CSMD1: variants seen among roughly 807,000 people sequenced by gnomAD.
CSMD1 encodes CUB and sushi domain-containing protein 1.
In CSMD1, 213 loss-of-function variants were observed where a neutral mutation model predicts 417.5. The observed-to-expected ratio is 0.51, with a 90% CI of 0.46 to 0.57. The LOEUF is 0.57. CSMD1 is among the 20% of genes least tolerant of loss of function. The pLI is 0.00. For synonymous variants in CSMD1, 2,862 were observed against 1,736.8 expected (o/e 1.65, Z -16.11); for missense variants, 6,923 against 4,529.7 (o/e 1.53, Z -15.17).
At chr8:3,842,357 T>A (rs1041866559) in intron 5 of CSMD1, among the ~76,000 whole-genome samples, 14 of 152,162 alleles carry the variant, frequency 9.2e-5, no homozygotes. Flanking sequence ...CCCATATCAA[T>A]ACCACTAATA....
intron 51 of CSMD1, among the ~76,000 whole-genome samples, chr8:3,028,581 T>C (rs1415336794): frequency 6.6e-5 from 10 of 152,172 alleles, no homozygotes; most frequent in African/African-American, 2.2e-4. Flanking sequence ...GGTGAAGAGC[T>C]TGTGGTACGT....
chr8:3,338,450 T>C (rs923647403), intron 23 of CSMD1, among the ~76,000 whole-genome samples: 1 of 152,164 alleles, frequency 6.6e-6, no homozygotes. Flanking sequence ...GAATTCAGGA[T>C]AGTGATGAGG....
At chr8:3,693,198 T>C (rs573745486) in intron 7 of CSMD1, among the ~76,000 whole-genome samples, 7 of 152,320 alleles carry the variant, frequency 4.6e-5, no homozygotes, top group South Asian at 2.1e-4. Context: ...AATGAATCAA[T>C]ACTGTTCATC....
At chr8:3,738,100 T>G (rs904606045) in intron 6 of CSMD1, among the ~76,000 whole-genome samples, 1 of 152,226 alleles carries the variant, frequency 6.6e-6, no homozygotes, top group South Asian at 2.1e-4. Context: ...ATTAGCACTG[T>G]GTGGGCTCTA....
In CSMD1 at chr8:3,406,089, G is replaced by A. The variant is rs1812326058; in HGVS notation, c.2204C>T (p.Ser735Phe). 1.9e-6 allele frequency: 3 copies of A among 1,613,956 alleles called. No individual in the cohort carries two copies. The highest frequency in any genetic ancestry group is 1.7e-6 in the Non-Finnish European group (2 of 1,179,886). Residue 735 changes from serine (S) to phenylalanine (F), a missense_variant, in exon 15 of 70, where the codon TCC (serine) becomes TTC (phenylalanine). Transcript: ENST00000635120. The stretch of plus-strand genomic sequence containing the variant: ...CCCGTCTTGCAGTATGCAGGTAATG[G>A]ACTCGGATCCCTGGGTCTTGACAAA... ...DGFVKTQGSESITCILQDGNV... is the reference protein window; with the variant it reads ...DGFVKTQGSEFITCILQDGNV...
intron 1 of CSMD1, among the ~76,000 whole-genome samples, chr8:4,903,908 T>G (rs569602195): frequency 6.6e-6 from 1 of 152,246 alleles, no homozygotes; most frequent in African/African-American, 2.4e-5. Flanking sequence ...TTTATTGACA[T>G]TGAAGACTAT....
At chr8:3,358,459 C>T (rs769435479) in intron 21 of CSMD1, among the ~76,000 whole-genome samples, 6 of 152,190 alleles carry the variant, frequency 3.9e-5, no homozygotes, top group East Asian at 1.9e-4. Flanking sequence ...ACGGCAGTTA[C>T]GATTCTCCTT....
At chr8:3,762,917 C>T (rs1226898210) in intron 5 of CSMD1, among the ~76,000 whole-genome samples, 2 of 152,094 alleles carry the variant, frequency 1.3e-5, no homozygotes, top group Non-Finnish European at 2.9e-5. Flanking sequence ...CAACTTTCAC[C>T]TGCCTACGCC....
intron 18 of CSMD1, among the ~76,000 whole-genome samples, chr8:3,373,909 G>A (rs757099482): frequency 5.9e-5 from 9 of 151,692 alleles, no homozygotes; most frequent in South Asian, 2.1e-4. Context: ...GGAGACATAC[G>A]TTGTGATATT....
intron 41 of CSMD1, among the ~76,000 whole-genome samples, chr8:3,136,744 A>G (rs903684922): frequency 6.6e-6 from 1 of 152,140 alleles, no homozygotes; most frequent in Non-Finnish European, 1.5e-5. Flanking sequence ...GTTTCCTGAA[A>G]GTAACTGTGA....
intron 7 of CSMD1, among the ~76,000 whole-genome samples, chr8:3,701,540 A>G (rs1362076608): frequency 6.6e-6 from 1 of 151,962 alleles, no homozygotes; most frequent in Non-Finnish European, 1.5e-5. Flanking sequence ...TTGGAATTTA[A>G]CGATTAAGAG....
At chr8:3,152,808 G>A (rs1483929653) in intron 39 of CSMD1, among the ~76,000 whole-genome samples, 1 of 152,210 alleles carries the variant, frequency 6.6e-6, no homozygotes, top group Non-Finnish European at 1.5e-5. Context: ...AGGCTCCCAT[G>A]TGCACTTTGT....
intron 6 of CSMD1, among the ~76,000 whole-genome samples, chr8:3,713,306 T>A (rs952931116): frequency 2.6e-5 from 4 of 152,226 alleles, no homozygotes; most frequent in African/African-American, 9.6e-5. Context: ...TGTTTGAAAA[T>A]GTGACGAAAC....
Position 3,367,164 on chromosome 8 carries a change from G to C in CSMD1, c.2983C>G (p.Pro995Ala). ...ACCGACCCGGTGAGCCTGGCAACGGGCTCGGAAAAACTTCCATCCTCTGTG... is the reference window on the plus strand; with the variant it reads ...ACCGACCCGGTGAGCCTGGCAACGGCCTCGGAAAAACTTCCATCCTCTGTG... ...LITEDGSFSE[P>A]VARLTGSVLP... The change falls in exon 20 of 70, where the codon CCC becomes GCC. Residue 995 changes from proline to alanine, a missense_variant. Pro to Ala is a conservative substitution (Grantham distance 27). Transcript: ENST00000635120. 4 of 1,613,648 alleles carry C rather than the reference G, an allele frequency of 2.5e-6. No homozygotes were observed. The highest frequency in any genetic ancestry group is 2.2e-5 in the South Asian group (2 of 90,990).
intron 22 of CSMD1, among the ~76,000 whole-genome samples, chr8:3,346,991 C>A (rs531468483): frequency 6.6e-6 from 1 of 152,262 alleles, no homozygotes; most frequent in South Asian, 2.1e-4. Context: ...CAGGGGAGTC[C>A]AATATTTTGG....
intron 30 of CSMD1, among the ~76,000 whole-genome samples, chr8:3,211,431 G>A (rs1201474047): frequency 3.3e-5 from 5 of 152,192 alleles, no homozygotes; most frequent in Admixed American, 6.5e-5. Flanking sequence ...CCTGTAATGC[G>A]TGGCAGAGAT....
At chr8:3,887,039 C>A (rs1374181925) in intron 5 of CSMD1, among the ~76,000 whole-genome samples, 1 of 152,146 alleles carries the variant, frequency 6.6e-6, no homozygotes, top group Non-Finnish European at 1.5e-5. Flanking sequence ...TCAAACTCTG[C>A]CTCACACATT....
At chr8:3,935,567 C>T (rs11784570) in intron 5 of CSMD1, among the ~76,000 whole-genome samples, 1 of 151,866 alleles carries the variant, frequency 6.6e-6, no homozygotes, top group African/African-American at 2.4e-5. Flanking sequence ...TATGATTGTA[C>T]TTGCTATGGT....
rs1369249063 is a variant in CSMD1, at chr8:2,949,507, A to G, written c.10315-121T>C. 6.3e-6 allele frequency: 3 copies of G among 477,710 alleles called. No individual in the cohort carries two copies. The Admixed American group carries it at 1.2e-4, about 19-fold the overall frequency. The allele number at this position is 477,710 out of a possible 1,614,324, so 29.6% of individuals were successfully genotyped here. On this transcript the variant is annotated intron_variant, in intron 67 of 69. Coordinates refer to ENST00000635120, the MANE Select transcript of CSMD1 (RefSeq NM_033225.6). The stretch of plus-strand genomic sequence containing the variant: ...CTCATATTTAGATACTACTGGTTAA[A>G]TGTTTTATTTTTGCCATGGCTTTTG...
Sources: allele counts gnomAD v4.1 joint callset (sites outside exome capture counted in the v4.1 genomes callset), GRCh38; gene constraint gnomAD v4.1.1; transcripts MANE v1.5; gene names NCBI Gene and HGNC (gene_info 2026-07-23, HGNC 2026-07-21).